The following KIAA1549L variants were observed in gnomAD, a reference collection of about 807,000 sequenced individuals.
KIAA1549L encodes the protein UPF0606 protein KIAA1549L.
Under a neutral mutation model 160.7 loss-of-function variants are expected in KIAA1549L, and 88 were observed. The observed-to-expected ratio is 0.55, with a 90% CI of 0.46 to 0.65. The LOEUF is 0.65. Among genes scored for constraint, KIAA1549L ranks in the 30% least tolerant of loss-of-function variants. The pLI is 0.00. For missense variants in KIAA1549L, 2,258 were observed against 2,437.5 expected, an observed-to-expected ratio of 0.93 and a Z score of 1.55; for synonymous variants, 950 against 976.7, an observed-to-expected ratio of 0.97 and a Z score of 0.51.
intron 17 of KIAA1549L, among the ~76,000 whole-genome samples, chr11:33,647,895 T>A (rs1851770083): frequency 6.6e-6 from 1 of 152,150 alleles, no homozygotes; most frequent in East Asian, 1.9e-4. Flanking sequence ...AACATCAGCA[T>A]TATATATATA....
intron 1 of KIAA1549L, among the ~76,000 whole-genome samples, chr11:33,503,463 A>G (rs149109273): frequency 6.6e-6 from 1 of 152,324 alleles, no homozygotes. Flanking sequence ...TCCATTGAGA[A>G]TATTTCTAGA....
intron 1 of KIAA1549L, among the ~76,000 whole-genome samples, chr11:33,505,471 G>A (rs147359540): frequency 7.9e-5 from 12 of 152,264 alleles, no homozygotes; most frequent in Non-Finnish European, 5.9e-5. Context: ...TGATGCCCCC[G>A]TGCTTGATTG....
intron 16 of KIAA1549L, among the ~76,000 whole-genome samples, chr11:33,638,751 C>T (rs964576333): frequency 6.6e-6 from 1 of 152,216 alleles, no homozygotes; most frequent in Non-Finnish European, 1.5e-5. Flanking sequence ...GCCTCTCCCA[C>T]TAGCAGTATA....
rs369597602 is a variant in KIAA1549L at position 33,664,324 on chromosome 11, C to G, written c.6159+3310C>G. ...TGTCCTTTCCAAATATAGACTCCCCCTCTGCCTGACACCCATCCGTGGCTC... is the reference window on the plus strand; with the variant it reads ...TGTCCTTTCCAAATATAGACTCCCCGTCTGCCTGACACCCATCCGTGGCTC... On this transcript the variant is annotated intron_variant, in intron 20 of 20. Coordinates refer to ENST00000658780, the MANE Select transcript of KIAA1549L (RefSeq NM_012194.3). 8.1e-5 allele frequency among the ~76,000 whole-genome samples: 11 copies of G among 136,596 alleles called. No individual in the cohort carries two copies. In the South Asian group the frequency reaches 1.5e-3, roughly 19 times the overall value. 89.6% of individuals were successfully genotyped at this position (136,596 alleles called of 152,430 possible).
At chr11:33,394,410 T>C (rs140716739) in intron 1 of KIAA1549L, among the ~76,000 whole-genome samples, 12 of 93,064 alleles carry the variant, frequency 1.3e-4, no homozygotes, top group Admixed American at 2.2e-4. Flanking sequence ...AATAAATAAA[T>C]AAATAAATAA....
intron 1 of KIAA1549L, among the ~76,000 whole-genome samples, chr11:33,504,406 C>T (rs1035279492): frequency 6.6e-6 from 1 of 151,956 alleles, no homozygotes; most frequent in Non-Finnish European, 1.5e-5. Flanking sequence ...TTATAGCAAA[C>T]CAATCAAATA....
intron 16 of KIAA1549L, among the ~76,000 whole-genome samples, chr11:33,631,302 C>G (rs1169461079): frequency 1.3e-5 from 2 of 152,334 alleles, no homozygotes; most frequent in South Asian, 2.1e-4. Context: ...CAACCACCCC[C>G]TTGGCTCCAG....
chr11:33,603,742 GT>G (rs1436672346), intron 13 of KIAA1549L, among the ~76,000 whole-genome samples: 2 of 151,686 alleles, frequency 1.3e-5, no homozygotes, highest in African/African-American at 4.8e-5. Context: ...GGAGGCGGAG[GT>G]TGCAGTGAGC....
chr11:33,388,259 G>A (rs1590213323), intron 1 of KIAA1549L, among the ~76,000 whole-genome samples: 1 of 152,188 alleles, frequency 6.6e-6, no homozygotes, highest in African/African-American at 2.4e-5. Context: ...TTCTTCATAT[G>A]ATGGCAGGAA....
chr11:33,602,489 C>G (rs1035905726), intron 13 of KIAA1549L, among the ~76,000 whole-genome samples: 1 of 152,222 alleles, frequency 6.6e-6, no homozygotes, highest in Non-Finnish European at 1.5e-5. Flanking sequence ...GATAAGAACA[C>G]TTTCTGCCTC....
At chr11:33,646,080 G>T in intron 17 of KIAA1549L, 44 bp downstream of exon 17, 1 of 1,442,374 alleles carries the variant, frequency 6.9e-7, no homozygotes. Context: ...TGGTCAGTCT[G>T]CCCAGTGAGT....
chr11:33,547,748 C>T lies in KIAA1549L; in HGVS notation c.3386-16C>T, dbSNP rs1407717382. 3.9e-6 allele frequency: 6 copies of T among 1,545,062 alleles called. No homozygotes were observed. The highest frequency in any genetic ancestry group is 1.7e-4 in the Middle Eastern group (1 of 5,942). The stretch of plus-strand genomic sequence containing the variant: ...GTCGCCTTGCCTGATTGCCATGCTT[C>T]TATTTTACCCCACAGTTCTCTTTCT... On this transcript the variant is annotated splice_polypyrimidine_tract_variant and intron_variant, in intron 3 of 20. Coordinates refer to ENST00000658780, the MANE Select transcript of KIAA1549L (RefSeq NM_012194.3).
chr11:33,602,297 G>A (rs1252165594), intron 13 of KIAA1549L, among the ~76,000 whole-genome samples: 1 of 152,130 alleles, frequency 6.6e-6, no homozygotes, highest in Non-Finnish European at 1.5e-5. Context: ...GGGGCATCTG[G>A]AATTAAAACA....
intron 16 of KIAA1549L, among the ~76,000 whole-genome samples, chr11:33,642,032 A>G (rs1026638971): frequency 3.3e-5 from 5 of 152,064 alleles, no homozygotes; most frequent in Non-Finnish European, 5.9e-5. Flanking sequence ...TCACTACTCA[A>G]TATGTTTTAG....
chr11:33,472,217 A>G (rs1179556006), intron 1 of KIAA1549L, among the ~76,000 whole-genome samples: 2 of 149,044 alleles, frequency 1.3e-5, no homozygotes. Context: ...GGCTCAAGCC[A>G]TCCTCCTGCC....
At chr11:33,455,112 AAAAC>A (rs1305753768) in intron 1 of KIAA1549L, among the ~76,000 whole-genome samples, 2 of 152,164 alleles carry the variant, frequency 1.3e-5, no homozygotes, top group Non-Finnish European at 2.9e-5. Flanking sequence ...AAACAAAACA[AAAAC>A]AAACAACAAC....
rs9667580 is a variant in KIAA1549L, at chr11:33,504,897, G to A, written c.239-36905G>A. Among the ~76,000 whole-genome samples the A allele has an allele frequency of 7.0e-3, 1,073 of 152,284 alleles. 16 individuals carry two copies. Among genetic ancestry groups the A allele is most frequent in the African/African-American group, 0.025 (1,036 of 41,552 alleles). On this transcript the variant is annotated intron_variant, in intron 1 of 20. Coordinates refer to ENST00000658780, the MANE Select transcript of KIAA1549L (RefSeq NM_012194.3). ...TCTTCCTGCCTCAGTCTCCCCAGTA[G>A]CTGAGACTACAGGCATGCACTGCCA...
intron 20 of KIAA1549L, among the ~76,000 whole-genome samples, chr11:33,663,899 AC>A (rs1165436329): frequency 6.6e-6 from 1 of 152,094 alleles, no homozygotes; most frequent in South Asian, 2.1e-4. Flanking sequence ...TTTAACAGGG[AC>A]CCCTAGGCAA....
chr11:33,492,283 A>G lies in KIAA1549L; in HGVS notation c.239-49519A>G, dbSNP rs112551946. 2.4e-3 allele frequency among the ~76,000 whole-genome samples: 371 copies of G among 152,266 alleles called. 4 individuals are homozygous for G. The South Asian group carries it at 0.025, about 10-fold the overall frequency. On this transcript the variant is annotated intron_variant, in intron 1 of 20. Coordinates refer to ENST00000658780, the MANE Select transcript of KIAA1549L (RefSeq NM_012194.3). Reference sequence around the variant, plus strand: ...CTGGGGAGGCTGAGGCAGGAGAATCACTTGAACCCAGAGACAGAGGTTGCA... The same window carrying G: ...CTGGGGAGGCTGAGGCAGGAGAATCGCTTGAACCCAGAGACAGAGGTTGCA...
Sources: gnomAD v4.1 joint callset for allele counts (sites outside exome capture counted in the v4.1 genomes callset) on GRCh38, gnomAD v4.1.1 for gene constraint, MANE v1.5 for transcripts, NCBI Gene and HGNC (gene_info 2026-07-23, HGNC 2026-07-21) for gene names.